CSMD1: variants seen among roughly 807,000 people sequenced by gnomAD.
CSMD1 encodes the protein CUB and sushi domain-containing protein 1.
Under a neutral mutation model 417.5 loss-of-function variants are expected in CSMD1, and 213 were observed. That is an observed-to-expected ratio of 0.51 (90% CI 0.46 to 0.57). The LOEUF (loss-of-function observed/expected upper bound fraction) is 0.57, where lower values mean the gene tolerates loss of function less well. CSMD1 is among the 20% of genes least tolerant of loss of function. The pLI is 0.00. For synonymous variants in CSMD1, 2,862 were observed against 1,736.8 expected, an observed-to-expected ratio of 1.65 and a Z score of -16.11; for missense variants, 6,923 against 4,529.7, an observed-to-expected ratio of 1.53 and a Z score of -15.17.
At chr8:3,401,765 T>C (rs1205132336) in intron 15 of CSMD1, among the ~76,000 whole-genome samples, 1 of 152,140 alleles carries the variant, frequency 6.6e-6, no homozygotes, top group Non-Finnish European at 1.5e-5. Flanking sequence ...CATTTCCTCA[T>C]ATACCTAATT....
chr8:3,032,689 C>G (rs186662984), intron 50 of CSMD1, among the ~76,000 whole-genome samples: 1 of 152,016 alleles, frequency 6.6e-6, no homozygotes, highest in Non-Finnish European at 1.5e-5. Flanking sequence ...TCCTGCAGTC[C>G]CTGTCACATA....
chr8:3,669,450 G>A (rs183157558), intron 7 of CSMD1, among the ~76,000 whole-genome samples: 2 of 152,098 alleles, frequency 1.3e-5, no homozygotes, highest in African/African-American at 4.8e-5. Context: ...TGATGGTCCT[G>A]TTCATTCATT....
chr8:4,221,950 T>G (rs567460039), intron 3 of CSMD1, among the ~76,000 whole-genome samples: 5 of 152,230 alleles, frequency 3.3e-5, no homozygotes, highest in African/African-American at 1.2e-4. Context: ...AACAACACTG[T>G]CCAGCACATC....
At chr8:3,588,542 C>A (rs1469155907) in intron 8 of CSMD1, among the ~76,000 whole-genome samples, 1 of 152,116 alleles carries the variant, frequency 6.6e-6, no homozygotes, top group East Asian at 1.9e-4. Context: ...ACGACTGCAG[C>A]ACACCAATCC....
At chr8:4,225,989 G>C (rs1193511380) in intron 3 of CSMD1, among the ~76,000 whole-genome samples, 1 of 151,618 alleles carries the variant, frequency 6.6e-6, no homozygotes, top group East Asian at 1.9e-4. Flanking sequence ...AAGTTCAAGA[G>C]GTATGTTAAA....
rs78906887 is a variant in CSMD1 at position 3,349,306 on chromosome 8, G to C, written c.3305-1145C>G. On this transcript the variant is annotated intron_variant, in intron 21 of 69. Coordinates refer to ENST00000635120, the MANE Select transcript of CSMD1 (RefSeq NM_033225.6). ...ACACCCTCCTTCCCTCTTTGACAACGAACACAATCAGCTACATCACTGGCC... is the reference window on the plus strand; with the variant it reads ...ACACCCTCCTTCCCTCTTTGACAACCAACACAATCAGCTACATCACTGGCC... Among the ~76,000 whole-genome samples, 1,146 of 152,168 alleles carry C rather than the reference G, an allele frequency of 7.5e-3. 4 individuals carry two copies. The highest frequency in any genetic ancestry group is 0.012 in the Non-Finnish European group (814 of 68,016).
intron 1 of CSMD1, among the ~76,000 whole-genome samples, chr8:4,799,737 CA>C (rs1382037734): frequency 2.0e-5 from 3 of 149,726 alleles, no homozygotes; most frequent in African/African-American, 7.4e-5. Flanking sequence ...CATTACATGT[CA>C]AAAAGCTTTA....
rs537460333 is a variant in CSMD1, at chr8:4,891,392, T to C, written c.85+102940A>G. Among the ~76,000 whole-genome samples the C allele has an allele frequency of 4.5e-4, 68 of 152,310 alleles. 2 individuals are homozygous for C. The highest frequency in any genetic ancestry group is 1.5e-3 in the African/African-American group (63 of 41,532). ...ATTCATTGAATAACTTGACCCTTGA[T>C]CAGGTTGGTACATTGAGCTTTCATT... On this transcript the variant is annotated intron_variant, in intron 1 of 69. Transcript: ENST00000635120.
intron 2 of CSMD1, among the ~76,000 whole-genome samples, chr8:4,597,488 A>G (rs955108926): frequency 6.6e-6 from 1 of 152,148 alleles, no homozygotes; most frequent in African/African-American, 2.4e-5. Flanking sequence ...TATTACTTGT[A>G]TTTTTAAAAA....
chr8:4,960,238 A>T (rs1413783390), intron 1 of CSMD1, among the ~76,000 whole-genome samples: 1 of 152,208 alleles, frequency 6.6e-6, no homozygotes. Flanking sequence ...AATACAAATA[A>T]TATCTTGAAG....
intron 3 of CSMD1, among the ~76,000 whole-genome samples, chr8:4,251,935 AAG>A (rs1356662974): frequency 2.6e-5 from 4 of 151,802 alleles, no homozygotes; most frequent in African/African-American, 7.2e-5. Flanking sequence ...AAGGGAGGGA[AAG>A]AGAGTAGAGG....
chr8:3,493,335 G>A (rs563759984), intron 11 of CSMD1, among the ~76,000 whole-genome samples: 2 of 148,280 alleles, frequency 1.3e-5, no homozygotes, highest in African/African-American at 2.5e-5. Flanking sequence ...GGGTTGATTT[G>A]AAAAATTTAT....
intron 1 of CSMD1, among the ~76,000 whole-genome samples, chr8:4,802,382 G>T (rs116100239): frequency 6.6e-6 from 1 of 150,880 alleles, no homozygotes; most frequent in African/African-American, 2.4e-5. Flanking sequence ...TGTGTGTAGG[G>T]ATAGTGAGAA....
At chr8:3,831,101 C>T (rs1481778223) in intron 5 of CSMD1, among the ~76,000 whole-genome samples, 2 of 152,128 alleles carry the variant, frequency 1.3e-5, no homozygotes, top group African/African-American at 4.8e-5. Context: ...TGTCCAATAC[C>T]ATTCAGAATT....
At chr8:4,992,887 G>C (rs376614469) in intron 1 of CSMD1, among the ~76,000 whole-genome samples, 1 of 152,190 alleles carries the variant, frequency 6.6e-6, no homozygotes, top group Non-Finnish European at 1.5e-5. Context: ...GAGATCTCGG[G>C]GCGCATTCCC....
rs138998355 is a variant in CSMD1 at position 4,392,487 on chromosome 8, C to G, written c.415+27466G>C. On this transcript the variant is annotated intron_variant, in intron 3 of 69. Coordinates refer to ENST00000635120, the MANE Select transcript of CSMD1 (RefSeq NM_033225.6). ...TCCATTGGCATCAAACACTCCTGAG[C>G]CAAAGAAAAGGTAAAGAATCACGGT... Among the ~76,000 whole-genome samples the G allele has an allele frequency of 1.2e-3, 183 of 152,066 alleles. 1 individual carries two copies. The highest frequency in any genetic ancestry group is 4.2e-3 in the African/African-American group (173 of 41,478).
In CSMD1 at chr8:3,796,375, T is replaced by C. The variant is rs1800135491; in HGVS notation, c.819-42333A>G. ...CATGTATAGATATAGATATCTATCA[T>C]GTATATATATATCTATCATGTATAG... On this transcript the variant is annotated intron_variant, in intron 5 of 69. Transcript: ENST00000635120. Among the ~76,000 whole-genome samples the C allele has an allele frequency of 4.5e-5, 2 of 44,460 alleles. 1 individual carries two copies. The highest frequency in any genetic ancestry group is 1.2e-3 in the South Asian group (2 of 1,658). The allele number at this position is 44,460 out of a possible 152,430, so 29.2% of individuals were successfully genotyped here. A position where few individuals can be genotyped will look rare whatever the true frequency, so the allele number is the denominator to read the frequency against.
rs147523383 is a variant in CSMD1, at chr8:3,527,255, C to G, written c.1345-33529G>C. 4.9e-3 allele frequency among the ~76,000 whole-genome samples: 746 copies of G among 152,156 alleles called. 5 individuals carry two copies. Among genetic ancestry groups the G allele is most frequent in the African/African-American group, 0.017 (712 of 41,512 alleles). On this transcript the variant is annotated intron_variant, in intron 10 of 69. Transcript: ENST00000635120. ...TAATTGGCTCCTAATTGGTACAGGGCGCTGATAGGGAATTATAATGGGAGA... is the reference window on the plus strand; with the variant it reads ...TAATTGGCTCCTAATTGGTACAGGGGGCTGATAGGGAATTATAATGGGAGA...
chr8:4,896,487 T>G (rs887444074), intron 1 of CSMD1, among the ~76,000 whole-genome samples: 4 of 152,144 alleles, frequency 2.6e-5, no homozygotes, highest in Non-Finnish European at 5.9e-5. Context: ...AAACTCTGTC[T>G]CTAAAATTTT....
Sources: gnomAD v4.1 joint callset for allele counts (sites outside exome capture counted in the v4.1 genomes callset) on GRCh38, gnomAD v4.1.1 for gene constraint, MANE v1.5 for transcripts, NCBI Gene and HGNC (gene_info 2026-07-23, HGNC 2026-07-21) for gene names.